STK32B: variants seen among roughly 807,000 people sequenced by gnomAD.
STK32B encodes the protein serine/threonine-protein kinase 32B.
STK32B carries 43 observed loss-of-function variants against 52.6 expected under a neutral mutation model. The ratio of observed to expected loss-of-function variants is 0.82; its 90% CI spans 0.64 to 1.05. STK32B has a LOEUF of 1.05. STK32B is among the 50% of genes least tolerant of loss of function. STK32B has a pLI of 0.00. For missense variants in STK32B, 621 were observed against 534.6 expected (o/e 1.16, Z -1.59); for synonymous variants, 238 against 204.3 (o/e 1.17, Z -1.41).
At position 5,358,572 on chromosome 4, in the gene STK32B, T is replaced by TG. The variant is rs530005523; in HGVS notation, c.434+27181dup. Among the ~76,000 whole-genome samples, 45 of 151,560 alleles carry TG rather than the reference T, an allele frequency of 3.0e-4. No homozygotes were observed. The South Asian group carries it at 9.5e-3, about 32-fold the overall frequency. On this transcript the variant is annotated intron_variant, in intron 4 of 11. Coordinates refer to ENST00000282908, the MANE Select transcript of STK32B (RefSeq NM_018401.3). ...GGCATTAAGAACAAAGACATTAAGA[T>TG]GGAAAAAAAAACCCTCTACCCTTGA...
intron 4 of STK32B, among the ~76,000 whole-genome samples, chr4:5,357,849 T>C (rs1560349207): frequency 6.6e-6 from 1 of 152,034 alleles, no homozygotes; most frequent in Non-Finnish European, 1.5e-5. Context: ...CCCATCACTG[T>C]ACCAAAAATA....
chr4:5,185,055 A>G (rs932998582), intron 3 of STK32B, among the ~76,000 whole-genome samples: 4 of 152,222 alleles, frequency 2.6e-5, no homozygotes, highest in Non-Finnish European at 5.9e-5. Flanking sequence ...GTCAGACGTG[A>G]GGACACGGCC....
rs1553850490 is a variant in STK32B, at chr4:5,205,695, C to CGT, written c.260+37246_260+37247insTG. On this transcript the variant is annotated intron_variant, in intron 3 of 11. Coordinates refer to ENST00000282908, the MANE Select transcript of STK32B (RefSeq NM_018401.3). ...CAGAGGTTGACAGTTCTAGACCAGG[C>CGT]GCGCGCGCGTGTGTGTGTGTGTGTG... Among the ~76,000 whole-genome samples the CGT allele has an allele frequency of 5.0e-3, 304 of 60,268 alleles. 1 individual carries two copies. Among genetic ancestry groups the CGT allele is most frequent in the Non-Finnish European group, 0.011 (218 of 19,624 alleles). 39.5% of individuals were successfully genotyped at this position (60,268 alleles called of 152,430 possible).
chr4:5,187,831 A>G (rs75145297), intron 3 of STK32B, among the ~76,000 whole-genome samples: 1,817 of 152,318 alleles, frequency 0.012, 31 homozygotes, highest in African/African-American at 0.042. Context: ...TCTAAAGCCA[A>G]CTTCTGTGAG....
At position 5,416,923 on chromosome 4, in the gene STK32B, A is replaced by G. The variant is rs1560394212; in HGVS notation, c.551A>G (p.Lys184Arg). The change falls in exon 6 of 12, where the codon AAG (lysine) becomes AGG (arginine). Residue 184 changes from lysine (K) to arginine (R), a missense_variant. Physicochemically the swap from Lys to Arg is conservative, Grantham distance 26. Transcript: ENST00000282908. The stretch of plus-strand genomic sequence containing the variant: ...AGGGCTTCCTCCATGGCTGGCACCA[A>G]GCCCTACATGGGTGAGTGTTCCAGG... ...AERASSMAGT[K>R]PYMAPEVFQV... is the part of the protein sequence containing the mutation. 1 of 1,613,078 alleles carries G rather than the reference A, an allele frequency of 6.2e-7. No individual in the cohort carries two copies. Among genetic ancestry groups the G allele is most frequent in the Admixed American group, 1.7e-5 (1 of 59,898 alleles).
At chr4:5,431,406 T>C (rs571175822) in intron 6 of STK32B, among the ~76,000 whole-genome samples, 1 of 152,334 alleles carries the variant, frequency 6.6e-6, no homozygotes, top group African/African-American at 2.4e-5. Flanking sequence ...CATACGCTAT[T>C]TAGAAGTTCA....
chr4:5,103,527 TTTA>T (rs1483265233), intron 1 of STK32B, among the ~76,000 whole-genome samples: 1 of 152,212 alleles, frequency 6.6e-6, no homozygotes, highest in Non-Finnish European at 1.5e-5. Flanking sequence ...TATGGCATAC[TTTA>T]TTGACTCATT....
intron 2 of STK32B, among the ~76,000 whole-genome samples, chr4:5,153,864 CTA>C (rs1560181311): frequency 1.3e-5 from 2 of 151,988 alleles, no homozygotes; most frequent in Non-Finnish European, 2.9e-5. Context: ...ATATAAAAAA[CTA>C]TGTTTATGCT....
intron 10 of STK32B, 152 bp downstream of exon 10, chr4:5,466,986 G>A: frequency 9.6e-7 from 1 of 1,038,230 alleles, no homozygotes; most frequent in Non-Finnish European, 1.3e-6. Flanking sequence ...TATCAAACAA[G>A]TAGGGGGAAA....
At chr4:5,493,903 T>C (rs1192548493) in intron 11 of STK32B, among the ~76,000 whole-genome samples, 2 of 152,288 alleles carry the variant, frequency 1.3e-5, no homozygotes, top group Non-Finnish European at 2.9e-5. Flanking sequence ...GTTAGTTTCT[T>C]AATCCTGAGT....
upstream of STK32B, among the ~76,000 whole-genome samples, chr4:5,050,336 T>C (rs62291616): frequency 0.13 from 19,647 of 152,238 alleles, 1,515 homozygotes; most frequent in Middle Eastern, 0.23. Context: ...CAGTAAATGG[T>C]AGAGCCAGCT....
intron 1 of STK32B, among the ~76,000 whole-genome samples, chr4:5,128,543 T>C (rs1485869146): frequency 6.9e-6 from 1 of 145,194 alleles, no homozygotes; most frequent in African/African-American, 2.5e-5. Context: ...GAGCGAGGGG[T>C]AAAAAGAGGT....
At chr4:5,315,428 A>C (rs547303655) in intron 3 of STK32B, among the ~76,000 whole-genome samples, 1 of 146,082 alleles carries the variant, frequency 6.8e-6, no homozygotes, top group Non-Finnish European at 1.5e-5. Context: ...ACTCAGCAAC[A>C]CTTACTGAGT....
intron 1 of STK32B, among the ~76,000 whole-genome samples, chr4:5,092,612 C>T (rs1025558526): frequency 1.3e-5 from 2 of 152,046 alleles, no homozygotes; most frequent in Non-Finnish European, 2.9e-5. Context: ...GCTCACGGTT[C>T]TGCAGGCTCC....
At chr4:5,228,914 C>T (rs1577217311) in intron 3 of STK32B, among the ~76,000 whole-genome samples, 1 of 152,162 alleles carries the variant, frequency 6.6e-6, no homozygotes, top group South Asian at 2.1e-4. Context: ...GTGCAGTGAG[C>T]CAAGGGCCTG....
intron 3 of STK32B, among the ~76,000 whole-genome samples, chr4:5,328,610 T>G (rs901246306): frequency 4.6e-5 from 7 of 152,284 alleles, no homozygotes; most frequent in Admixed American, 1.3e-4. Context: ...AAAGCAATTG[T>G]AATAGTAACA....
intron 1 of STK32B, among the ~76,000 whole-genome samples, chr4:5,057,099 T>C (rs1242913930): frequency 2.0e-5 from 3 of 152,202 alleles, no homozygotes; most frequent in African/African-American, 7.2e-5. Context: ...ATAAGGCCAA[T>C]GAGGGCATAG....
Position 5,277,573 on chromosome 4 carries a change from C to A in STK32B, c.261-53647C>A, listed in dbSNP as rs148066207. Among the ~76,000 whole-genome samples the A allele has an allele frequency of 1.9e-3, 288 of 152,216 alleles. 3 individuals carry two copies. Among genetic ancestry groups the A allele is most frequent in the African/African-American group, 6.7e-3 (277 of 41,516 alleles). On this transcript the variant is annotated intron_variant, in intron 3 of 11. Coordinates refer to ENST00000282908, the MANE Select transcript of STK32B (RefSeq NM_018401.3). ...TCCATTTGTAACATGCGGATAAAATCTCTTTTCACCTGCCTACCCGGTTGT... is the reference window on the plus strand; with the variant it reads ...TCCATTTGTAACATGCGGATAAAATATCTTTTCACCTGCCTACCCGGTTGT...
intron 1 of STK32B, among the ~76,000 whole-genome samples, chr4:5,130,889 C>T (rs569176852): frequency 1.5e-4 from 23 of 152,266 alleles, no homozygotes; most frequent in African/African-American, 5.3e-4. Context: ...CTTTCTTCTT[C>T]TCATCCCCTG....
Sources: allele counts gnomAD v4.1 joint callset (sites outside exome capture counted in the v4.1 genomes callset), GRCh38; gene constraint gnomAD v4.1.1; transcripts MANE v1.5; gene names NCBI Gene and HGNC (gene_info 2026-07-23, HGNC 2026-07-21).